SNTG1: variants seen among roughly 807,000 people sequenced by gnomAD.
SNTG1 encodes the protein syntrophin gamma 1.
Under a neutral mutation model 74.7 loss-of-function variants are expected in SNTG1, and 39 were observed. That is an observed-to-expected ratio of 0.52 (90% CI 0.40 to 0.68). The LOEUF (loss-of-function observed/expected upper bound fraction) is 0.68. Ranked by LOEUF, SNTG1 falls within the 30% of genes least tolerant of loss-of-function variation. The pLI is 0.00. For missense variants in SNTG1, 685 were observed against 609.5 expected, an observed-to-expected ratio of 1.12 and a Z score of -1.30; for synonymous variants, 254 against 217.1, an observed-to-expected ratio of 1.17 and a Z score of -1.49.
intron 3 of SNTG1, among the ~76,000 whole-genome samples, chr8:50,401,920 A>C (rs1231135880): frequency 6.6e-6 from 1 of 152,154 alleles, no homozygotes; most frequent in Non-Finnish European, 1.5e-5. Context: ...GTATTACAAA[A>C]ATCCTCATTA....
intron 1 of SNTG1, among the ~76,000 whole-genome samples, chr8:50,120,171 G>C (rs2080948879): frequency 7.1e-6 from 1 of 141,050 alleles, no homozygotes; most frequent in Non-Finnish European, 1.6e-5. Context: ...TTGGGTTATT[G>C]TAAGGAAACA....
intron 1 of SNTG1, among the ~76,000 whole-genome samples, chr8:50,143,549 A>G (rs577207691): frequency 6.6e-6 from 1 of 152,270 alleles, no homozygotes; most frequent in African/African-American, 2.4e-5. Flanking sequence ...GTCTATGGAT[A>G]CTCTTTTCCA....
At chr8:50,281,789 A>C (rs559857679) in intron 2 of SNTG1, among the ~76,000 whole-genome samples, 4 of 152,366 alleles carry the variant, frequency 2.6e-5, no homozygotes, top group South Asian at 4.1e-4. Context: ...TAGTCTCACT[A>C]AACTTCGAGT....
intron 18 of SNTG1, among the ~76,000 whole-genome samples, chr8:50,787,679 G>C (rs2095679506): frequency 6.6e-6 from 1 of 151,950 alleles, no homozygotes; most frequent in African/African-American, 2.4e-5. Flanking sequence ...GAGAAAAGAA[G>C]TACTATCTAT....
chr8:50,479,109 G>T (rs933379230), intron 8 of SNTG1, among the ~76,000 whole-genome samples: 1 of 152,152 alleles, frequency 6.6e-6, no homozygotes, highest in Non-Finnish European at 1.5e-5. Context: ...ATATACAGCT[G>T]TCAAACTATG....
At chr8:50,058,989 A>G (rs558516127) in intron 1 of SNTG1, among the ~76,000 whole-genome samples, 6 of 152,202 alleles carry the variant, frequency 3.9e-5, no homozygotes, top group African/African-American at 1.2e-4. Context: ...TATAAATTCA[A>G]TCATACAGTG....
At chr8:50,784,394 T>G (rs1050150610) in intron 18 of SNTG1, among the ~76,000 whole-genome samples, 1 of 152,172 alleles carries the variant, frequency 6.6e-6, no homozygotes, top group African/African-American at 2.4e-5. Context: ...CGAATAACTA[T>G]AGTAATTTTA....
chr8:50,773,829 T>C (rs567381719), intron 18 of SNTG1, among the ~76,000 whole-genome samples: 1 of 152,282 alleles, frequency 6.6e-6, no homozygotes, highest in East Asian at 1.9e-4. Flanking sequence ...ATTACAAATA[T>C]ATTAACTGGT....
intron 2 of SNTG1, among the ~76,000 whole-genome samples, chr8:50,330,503 A>G (rs1349552572): frequency 6.6e-6 from 1 of 152,080 alleles, no homozygotes; most frequent in Non-Finnish European, 1.5e-5. Context: ...CCTTCTTCTC[A>G]CCCTCCAAAC....
chr8:50,608,371 T>G (rs4873468), intron 13 of SNTG1, among the ~76,000 whole-genome samples: 125,480 of 151,242 alleles, frequency 0.83, 52,586 homozygotes, highest in African/African-American at 0.94. Flanking sequence ...TTATATATTG[T>G]GTTTCTGTTG....
chr8:50,468,054 G>A (rs1255902564), intron 8 of SNTG1, among the ~76,000 whole-genome samples: 1 of 150,700 alleles, frequency 6.6e-6, no homozygotes, highest in Admixed American at 6.6e-5. Context: ...TTCTGGCATA[G>A]AATATAGTCT....
rs76293606 is a variant in SNTG1, at chr8:50,433,448, C to T, written c.163-5095C>T. 9.7e-3 allele frequency among the ~76,000 whole-genome samples: 1,462 copies of T among 150,734 alleles called. 27 individuals carry two copies. The highest frequency in any genetic ancestry group is 0.034 in the African/African-American group (1,397 of 41,186). On this transcript the variant is annotated intron_variant, in intron 4 of 18. Coordinates refer to ENST00000642720, the MANE Select transcript of SNTG1 (RefSeq NM_018967.5). The stretch of plus-strand genomic sequence containing the variant: ...GCAGGGAAAATATTACATTTCTCCC[C>T]CTTTTTACTACATTGCACCATGAGT...
intron 2 of SNTG1, among the ~76,000 whole-genome samples, chr8:50,259,129 G>A (rs929682327): frequency 1.1e-4 from 16 of 152,066 alleles, no homozygotes; most frequent in African/African-American, 2.9e-4. Context: ...TGAAGTCAGC[G>A]TAATGACATA....
chr8:49,917,946 T>G (rs1387085217), intron 1 of SNTG1, among the ~76,000 whole-genome samples: 1 of 150,478 alleles, frequency 6.6e-6, no homozygotes, highest in Non-Finnish European at 1.5e-5. Flanking sequence ...GAAATCTACT[T>G]TTTGCTTTAC....
At chr8:50,010,753 T>C (rs1815703571) in intron 1 of SNTG1, among the ~76,000 whole-genome samples, 1 of 151,488 alleles carries the variant, frequency 6.6e-6, no homozygotes, top group Non-Finnish European at 1.5e-5. Flanking sequence ...TGGGTGACTA[T>C]TTACCTGACA....
chr8:50,450,360 T>C (rs539368301), intron 6 of SNTG1, among the ~76,000 whole-genome samples, 196 bp from the exon 7 acceptor site: 2 of 152,342 alleles, frequency 1.3e-5, no homozygotes, highest in South Asian at 2.1e-4. Flanking sequence ...AATGGAAATA[T>C]GTCTGCATGT....
At chr8:50,379,219 G>T (rs536376127) in intron 2 of SNTG1, among the ~76,000 whole-genome samples, 1 of 152,208 alleles carries the variant, frequency 6.6e-6, no homozygotes, top group African/African-American at 2.4e-5. Flanking sequence ...GGTGGGCTTC[G>T]ACGGCATCTG....
intron 15 of SNTG1, among the ~76,000 whole-genome samples, chr8:50,669,611 T>C (rs1331603232): frequency 1.3e-5 from 2 of 152,126 alleles, no homozygotes; most frequent in Non-Finnish European, 2.9e-5. Flanking sequence ...CTACCAGAGA[T>C]ACAAGGAGGA....
intron 2 of SNTG1, among the ~76,000 whole-genome samples, chr8:50,210,528 T>C (rs1180315521): frequency 6.6e-6 from 1 of 152,174 alleles, no homozygotes; most frequent in Non-Finnish European, 1.5e-5. Flanking sequence ...ACAGTGGATC[T>C]CTCAGCAGAA....
Sources: allele counts gnomAD v4.1 joint callset (sites outside exome capture counted in the v4.1 genomes callset), GRCh38; gene constraint gnomAD v4.1.1; transcripts MANE v1.5; gene names NCBI Gene and HGNC (gene_info 2026-07-23, HGNC 2026-07-21).